The following R3HDM2 variants were observed in gnomAD, a reference collection of about 807,000 sequenced individuals.
R3HDM2 encodes R3H domain containing 2, also known as R3H domain-containing protein 2.
A neutral mutation model predicts 124.5 loss-of-function variants in R3HDM2; 38 were observed. That is an observed-to-expected ratio of 0.31 (90% confidence interval 0.24 to 0.40). The LOEUF (loss-of-function observed/expected upper bound fraction) is 0.40. Among genes scored for constraint, R3HDM2 ranks in the 10% least tolerant of loss-of-function variants. R3HDM2 has a pLI of 1.00. For synonymous variants in R3HDM2, 391 were observed against 448.0 expected, an observed-to-expected ratio of 0.87 and a Z score of 1.61; for missense variants, 869 against 1,236.9, an observed-to-expected ratio of 0.70 and a Z score of 4.46.
chr12:57,375,934 A>C (rs2064003883), intron 2 of R3HDM2, among the ~76,000 whole-genome samples: 1 of 152,004 alleles, frequency 6.6e-6, no homozygotes, highest in Non-Finnish European at 1.5e-5. Context: ...GGCCTCCCAA[A>C]GTGCTGGGAT....
chr12:57,292,723 T>C, intron 10 of R3HDM2, 56 bp from the exon 11 acceptor site: 1 of 1,098,194 alleles, frequency 9.1e-7, no homozygotes, highest in South Asian at 1.4e-5. Flanking sequence ...GCAAGCTCAC[T>C]GCACACCAGC....
chr12:57,368,372 G>T (rs2062908059), intron 2 of R3HDM2, among the ~76,000 whole-genome samples: 1 of 152,112 alleles, frequency 6.6e-6, no homozygotes, highest in African/African-American at 2.4e-5. Flanking sequence ...CCAAAGAGAG[G>T]TCTGGCATTT....
chr12:57,271,747 C>T (rs2043634677), intron 14 of R3HDM2, among the ~76,000 whole-genome samples: 1 of 152,170 alleles, frequency 6.6e-6, no homozygotes, highest in Admixed American at 6.5e-5. Context: ...TGAGGCAAAT[C>T]AGATCTTCAA....
intron 2 of R3HDM2, among the ~76,000 whole-genome samples, chr12:57,317,988 C>CCA (rs1555254639): frequency 5.5e-5 from 8 of 144,590 alleles, no homozygotes; most frequent in African/African-American, 2.1e-4. Context: ...CCCGCCCCCC[C>CCA]AAAAAAAAAA....
chr12:57,395,217 A>G (rs890096376), intron 2 of R3HDM2, among the ~76,000 whole-genome samples: 1 of 151,564 alleles, frequency 6.6e-6, no homozygotes, highest in Admixed American at 6.6e-5. Flanking sequence ...AAAATTAAAA[A>G]AAATTAGAGC....
At chr12:57,314,817 T>C (rs1419723422) in intron 2 of R3HDM2, among the ~76,000 whole-genome samples, 1 of 152,154 alleles carries the variant, frequency 6.6e-6, no homozygotes, top group Non-Finnish European at 1.5e-5. Flanking sequence ...TCAAATTTAT[T>C]TGTCAGAAAG....
intron 2 of R3HDM2, among the ~76,000 whole-genome samples, chr12:57,382,218 G>C (rs544751360): frequency 6.6e-6 from 1 of 151,500 alleles, no homozygotes; most frequent in African/African-American, 2.4e-5. Flanking sequence ...AGGCTCAAGA[G>C]ATCCTCCTAC....
chr12:57,384,246 C>T lies in R3HDM2; in HGVS notation c.-36+11503G>A, dbSNP rs538110927. 1.1e-4 allele frequency among the ~76,000 whole-genome samples: 17 copies of T among 151,358 alleles called. No individual in the cohort carries two copies. The South Asian group carries it at 3.3e-3, about 30-fold the overall frequency. ...GTGGGCGCCTGTAGTCCCAGCTACT[C>T]GGGAGGCTGAGGCAGGAGAATGGCG... On this transcript the variant is annotated intron_variant, in intron 2 of 23. Transcript: ENST00000402412.
chr12:57,353,389 A>G (rs965560232), intron 2 of R3HDM2, among the ~76,000 whole-genome samples: 6 of 152,192 alleles, frequency 3.9e-5, no homozygotes, highest in African/African-American at 1.2e-4. Context: ...AGGAAAATAC[A>G]AATTAAAACC....
In R3HDM2 at chr12:57,348,720, AAGAG is replaced by A. The variant is rs1228885034; in HGVS notation, c.-35-38261_-35-38258del. Among the ~76,000 whole-genome samples the A allele has an allele frequency of 2.3e-3, 29 of 12,660 alleles. 2 individuals carry two copies. Among genetic ancestry groups the A allele is most frequent in the African/African-American group, 4.2e-3 (22 of 5,294 alleles). 8.3% of individuals were successfully genotyped at this position (12,660 alleles called of 152,430 possible). ...AAAAAAAAAAAAAAAAAAAAAAAAA[AAGAG>A]AGAGAAAAATTAGCCAGGCATGGTG... is the stretch of plus-strand genomic sequence containing the variant. On this transcript the variant is annotated intron_variant, in intron 2 of 23. Transcript: ENST00000402412.
chr12:57,291,675 A>C (rs532013165), intron 11 of R3HDM2, among the ~76,000 whole-genome samples: 199 of 151,838 alleles, frequency 1.3e-3, no homozygotes, highest in African/African-American at 4.0e-3. Flanking sequence ...ACAAAAAAAA[A>C]CAAAATAAAA....
At chr12:57,294,332 A>G (rs1350244255) in intron 10 of R3HDM2, among the ~76,000 whole-genome samples, 1 of 152,178 alleles carries the variant, frequency 6.6e-6, no homozygotes, top group Non-Finnish European at 1.5e-5. Flanking sequence ...ATAATTCCTG[A>G]TCCACAGAAA....
intron 14 of R3HDM2, among the ~76,000 whole-genome samples, chr12:57,270,225 G>GT (rs976226102): frequency 3.3e-5 from 5 of 151,980 alleles, no homozygotes; most frequent in Admixed American, 2.0e-4. Context: ...ATAATTGTGT[G>GT]TTTTTTTGTT....
At chr12:57,401,914 G>A (rs537549894) in intron 1 of R3HDM2, among the ~76,000 whole-genome samples, 1 of 152,182 alleles carries the variant, frequency 6.6e-6, no homozygotes, top group African/African-American at 2.4e-5. Flanking sequence ...GACCCGGGAG[G>A]TGGAGGTTGC....
In R3HDM2 at chr12:57,254,698, T is replaced by C; in HGVS notation, c.*75A>G. On this transcript the variant is annotated 3_prime_UTR_variant, in exon 24 of 24. Coordinates refer to ENST00000402412, the MANE Select transcript of R3HDM2 (RefSeq NM_001394031.1). ...TTTCCTTACTTCCTGCCTCTGTCCA[T>C]GGTCTGTCAGGATCCTTCAACCCCC... is the stretch of plus-strand genomic sequence containing the variant. The C allele has an allele frequency of 7.8e-7, 1 of 1,285,456 alleles. No individual in the cohort carries two copies. The highest frequency in any genetic ancestry group is 1.5e-5 in the South Asian group (1 of 68,890). 79.6% of individuals were successfully genotyped at this position (1,285,456 alleles called of 1,614,324 possible).
At chr12:57,365,946 AC>A (rs2062594044) in intron 2 of R3HDM2, among the ~76,000 whole-genome samples, 2 of 151,458 alleles carry the variant, frequency 1.3e-5, no homozygotes, top group African/African-American at 4.8e-5. Flanking sequence ...AAAAAAAAAA[AC>A]AAAATATATC....
chr12:57,262,837 AC>A (rs1226743939), intron 19 of R3HDM2, among the ~76,000 whole-genome samples: 1 of 152,218 alleles, frequency 6.6e-6, no homozygotes, highest in East Asian at 1.9e-4. Context: ...TATGGGTAGA[AC>A]ACAAGATACC....
chr12:57,287,608 G>A (rs1466400483), intron 12 of R3HDM2, among the ~76,000 whole-genome samples: 1 of 152,198 alleles, frequency 6.6e-6, no homozygotes, highest in Non-Finnish European at 1.5e-5. Flanking sequence ...TACAGTAGTA[G>A]GAGTGAGATC....
intron 3 of R3HDM2, among the ~76,000 whole-genome samples, chr12:57,307,957 C>T (rs2053064444): frequency 6.6e-6 from 1 of 152,164 alleles, no homozygotes; most frequent in South Asian, 2.1e-4. Flanking sequence ...AGCAGCTCCA[C>T]CTGCTCTACC....
Sources: gnomAD v4.1 joint callset for allele counts (sites outside exome capture counted in the v4.1 genomes callset) on GRCh38, gnomAD v4.1.1 for gene constraint, MANE v1.5 for transcripts, NCBI Gene and HGNC (gene_info 2026-07-23, HGNC 2026-07-21) for gene names.